Variants in EPB42 observed in about 807,000 individuals in gnomAD.
The protein encoded by EPB42 is erythrocyte membrane protein band 4.2.
Under a neutral mutation model 76.9 loss-of-function variants are expected in EPB42, and 49 were observed. The ratio of observed to expected loss-of-function variants is 0.64; its 90% CI spans 0.51 to 0.81. EPB42 has a LOEUF of 0.81. Among genes scored for constraint, EPB42 ranks in the 30% least tolerant of loss-of-function variants. The pLI is 0.00. For synonymous variants in EPB42, 310 were observed against 338.4 expected (o/e 0.92, Z 0.92); for missense variants, 731 against 867.6 (o/e 0.84, Z 1.98).
At position 43,203,107 on chromosome 15, in the gene EPB42, G is replaced by A; in HGVS notation, c.1779+8C>T. On this transcript the variant is annotated splice_region_variant and intron_variant, in intron 11 of 12. Coordinates refer to ENST00000441366, the MANE Select transcript of EPB42 (RefSeq NM_001114134.2). ...ACGAGGGCAACTCAGGGGAGGACTGGTGCCTACCTTGATGGCAAGGTGTGG... is the reference window on the plus strand; with the variant it reads ...ACGAGGGCAACTCAGGGGAGGACTGATGCCTACCTTGATGGCAAGGTGTGG... 1 of 1,614,032 alleles carries A rather than the reference G, an allele frequency of 6.2e-7. No individual in the cohort carries two copies. The highest frequency in any genetic ancestry group is 8.5e-7 in the Non-Finnish European group (1 of 1,179,988).
At chr15:43,220,583 G>C in intron 1 of EPB42, 1 of 807,398 alleles carries the variant, frequency 1.2e-6, no homozygotes, top group Middle Eastern at 3.1e-4. Flanking sequence ...GCCTCCACCA[G>C]CACCCATCAT....
intron 1 of EPB42, among the ~76,000 whole-genome samples, chr15:43,216,805 A>T (rs1447316054): frequency 2.0e-5 from 3 of 152,172 alleles, no homozygotes; most frequent in Non-Finnish European, 2.9e-5. Context: ...TCCACAAGCA[A>T]TGAATAAAAC....
chr15:43,198,050 TA>T (rs1211301531), intron 12 of EPB42, among the ~76,000 whole-genome samples: 1 of 152,238 alleles, frequency 6.6e-6, no homozygotes, highest in African/African-American at 2.4e-5. Flanking sequence ...TGTGGAACTG[TA>T]AGTCCAATTA....
rs776844213 is a variant in EPB42, at chr15:43,206,518, A to G, written c.1430T>C (p.Leu477Pro). The G allele has an allele frequency of 5.0e-6, 8 of 1,613,968 alleles. No individual in the cohort carries two copies. The South Asian group carries it at 7.7e-5, about 16-fold the overall frequency. Reference sequence around the variant, plus strand: ...TAGGGAGCTGGGTGCTTTCAAGAGCAGGTACAGAGGACTGGCAGTCTCGAG... The same window carrying G: ...TAGGGAGCTGGGTGCTTTCAAGAGCGGGTACAGAGGACTGGCAGTCTCGAG... ...PSLETASPLY[L>P]LLKAPSSLPL... The change falls in exon 10 of 13, where the codon CTG becomes CCG. Residue 477 changes from leucine (L) to proline (P), a missense_variant. Physicochemically the swap from Leu to Pro is moderately conservative, Grantham distance 98. Transcript: ENST00000441366. This position sits in a 1 kb window ranked among gnomAD's most constrained non-coding sequence, Gnocchi z 4.7.
At chr15:43,208,805 G>A (rs772230171) in intron 6 of EPB42, 30 bp from the exon 7 acceptor site, 11 of 1,611,044 alleles carry the variant, frequency 6.8e-6, no homozygotes, top group South Asian at 1.1e-5. Flanking sequence ...GTGTCAGGGG[G>A]CGCTTGAGAG....
chr15:43,199,258 A>G (rs932740383), intron 12 of EPB42, among the ~76,000 whole-genome samples: 3 of 152,192 alleles, frequency 2.0e-5, no homozygotes, highest in African/African-American at 7.2e-5. Context: ...TGTGAGAGCA[A>G]CTGGGAGGGA....
chr15:43,210,185 C>T (rs746244418), intron 5 of EPB42, 150 bp downstream of exon 5: 46 of 752,868 alleles, frequency 6.1e-5, no homozygotes, highest in Non-Finnish European at 9.1e-5. Context: ...TTGTCCTCCT[C>T]GGACGCTTCT....
At position 43,207,416 on chromosome 15, in the gene EPB42, C is replaced by G. The variant is rs1449860988; in HGVS notation, c.1101G>C (p.Pro367=). The G allele has an allele frequency of 1.2e-6, 2 of 1,613,972 alleles. No homozygotes were observed. Among genetic ancestry groups the G allele is most frequent in the Admixed American group, 3.3e-5 (2 of 60,028 alleles). The part of the protein sequence containing the change: ...GGVLGSCDLV[P]VRAVKEGTLG... ...GCGTCCCCTCCTTGACTGCTCTGACCGGCACCAGATCACAGGACCCCAGGA... is the reference window on the plus strand; with the variant it reads ...GCGTCCCCTCCTTGACTGCTCTGACGGGCACCAGATCACAGGACCCCAGGA... The change falls in exon 9 of 13, where the codon CCG becomes CCC. Residue 367 remains proline (P), a synonymous_variant. Transcript: ENST00000441366.
chr15:43,220,645 C>G (rs1463021572), intron 1 of EPB42, 171 bp downstream of exon 1: 1 of 1,099,826 alleles, frequency 9.1e-7, no homozygotes, highest in African/African-American at 1.9e-5. Context: ...CACCCACCTA[C>G]CACACCCCCC....
At chr15:43,203,357 G>T in intron 10 of EPB42, 82 bp from the exon 11 acceptor site, 2 of 1,564,714 alleles carry the variant, frequency 1.3e-6, no homozygotes, top group South Asian at 1.1e-5. Flanking sequence ...CAATACAAAG[G>T]ACTCAGGGCC....
In EPB42 at chr15:43,208,723, T is replaced by G. The variant is rs2042245586; in HGVS notation, c.885A>C (p.Ala295=). The G allele has an allele frequency of 1.2e-6, 2 of 1,614,058 alleles. No homozygotes were observed. Among genetic ancestry groups the G allele is most frequent in the Non-Finnish European group, 1.7e-6 (2 of 1,180,030 alleles). ...TGAGAAGACGCCCACCGGTGCCCTG[T>G]GCTGAGGCAAACGTGGTCACCACGC... is the stretch of plus-strand genomic sequence containing the variant. ...PARVVTTFAS[A]QGTGGRLLID... Residue 295 remains alanine, a synonymous_variant, in exon 7 of 13, where the codon GCA becomes GCC. Coordinates refer to ENST00000441366, the MANE Select transcript of EPB42 (RefSeq NM_001114134.2).
intron 4 of EPB42, among the ~76,000 whole-genome samples, 162 bp from the exon 5 acceptor site, chr15:43,210,601 C>T (rs2042279744): frequency 6.6e-6 from 1 of 152,184 alleles, no homozygotes; most frequent in East Asian, 1.9e-4. Context: ...CTCTGAGGAG[C>T]TCTGGCTCCC....
Position 43,208,729 on chromosome 15 carries a change from G to A in EPB42, c.879C>T (p.Ala293=), listed in dbSNP as rs771045017. 6.8e-6 allele frequency: 11 copies of A among 1,614,080 alleles called. No individual in the cohort carries two copies. The South Asian group carries it at 8.8e-5, about 13-fold the overall frequency. ...GACGCCCACCGGTGCCCTGTGCTGA[G>A]GCAAACGTGGTCACCACGCGGGCAG... is the stretch of plus-strand genomic sequence containing the variant. The part of the protein sequence containing the change: ...GIPARVVTTF[A]SAQGTGGRLL... The change falls in exon 7 of 13, where the codon GCC becomes GCT. Residue 293 remains alanine, a synonymous_variant. Coordinates refer to ENST00000441366, the MANE Select transcript of EPB42 (RefSeq NM_001114134.2).
Position 43,206,708 on chromosome 15 carries a change from C to G in EPB42, c.1319-79G>C. ...CTAATAAAACCCTGGGAATCAAAACCATTTACCCACTTCTGCTCAAATGCC... is the reference window on the plus strand; with the variant it reads ...CTAATAAAACCCTGGGAATCAAAACGATTTACCCACTTCTGCTCAAATGCC... On this transcript the variant is annotated intron_variant, in intron 9 of 12. Transcript: ENST00000441366. The surrounding 1 kb of genome is among the most constrained non-coding windows in gnomAD (Gnocchi z 4.7). 1.3e-6 allele frequency: 2 copies of G among 1,539,274 alleles called. No homozygotes were observed. The highest frequency in any genetic ancestry group is 2.7e-5 in the African/African-American group (2 of 73,604).
rs2042244128 is a variant in EPB42, at chr15:43,208,672, T to C, written c.936A>G (p.Gly312=). 1 of 1,614,006 alleles carries C rather than the reference T, an allele frequency of 6.2e-7. No homozygotes were observed. ...CTCTCTGGCCTTCTCCGTTCTGAAG[T>C]CCCTCCTCATTATAGTATTCATCTA... ...LLIDEYYNEE[G]LQNGEGQRGR... is the part of the protein sequence containing the mutation. The change falls in exon 7 of 13, where the codon GGA becomes GGG. Residue 312 remains glycine, a synonymous_variant. Coordinates refer to ENST00000441366, the MANE Select transcript of EPB42 (RefSeq NM_001114134.2).
chr15:43,206,759 C>A lies in EPB42; in HGVS notation c.1319-130G>T. ...AAAGTCACAAGAACTCAGCAAGCCTCTAAGGCCATATTTAGCCCAAAAATG... is the reference window on the plus strand; with the variant it reads ...AAAGTCACAAGAACTCAGCAAGCCTATAAGGCCATATTTAGCCCAAAAATG... On this transcript the variant is annotated intron_variant, in intron 9 of 12. Coordinates refer to ENST00000441366, the MANE Select transcript of EPB42 (RefSeq NM_001114134.2). This position sits in a 1 kb window ranked among gnomAD's most constrained non-coding sequence, Gnocchi z 4.7. 2 of 1,157,268 alleles carry A rather than the reference C, an allele frequency of 1.7e-6. No individual in the cohort carries two copies. Among genetic ancestry groups the A allele is most frequent in the Non-Finnish European group, 1.2e-6 (1 of 802,094 alleles). 71.7% of individuals were successfully genotyped at this position (1,157,268 alleles called of 1,614,324 possible).
chr15:43,208,549 A>G, intron 7 of EPB42, 88 bp downstream of exon 7: 1 of 1,583,846 alleles, frequency 6.3e-7, no homozygotes, highest in Non-Finnish European at 8.7e-7. Context: ...TGCCAGGGCC[A>G]TGCAGGGGGT....
At chr15:43,213,488 G>A (rs2042331297) in intron 3 of EPB42, among the ~76,000 whole-genome samples, 1 of 152,160 alleles carries the variant, frequency 6.6e-6, no homozygotes, top group African/African-American at 2.4e-5. Context: ...CCCTAGGCAG[G>A]TCCCTACAAA....
At chr15:43,214,911 C>G (rs1173715581) in intron 3 of EPB42, among the ~76,000 whole-genome samples, 184 bp downstream of exon 3, 1 of 152,198 alleles carries the variant, frequency 6.6e-6, no homozygotes, top group Non-Finnish European at 1.5e-5. Context: ...GACACCAAAA[C>G]AGGACCCTGG....
Sources: allele counts gnomAD v4.1 joint callset (sites outside exome capture counted in the v4.1 genomes callset), GRCh38; gene constraint gnomAD v4.1.1; non-coding constraint Gnocchi (gnomAD v3.1); transcripts MANE v1.5; gene names NCBI Gene and HGNC (gene_info 2026-07-23, HGNC 2026-07-21).